ABITRAM: variants seen among roughly 807,000 people sequenced by gnomAD.
ABITRAM encodes actin binding transcription modulator.
ABITRAM carries 19 observed loss-of-function variants against 22.9 expected under a neutral mutation model. The observed-to-expected ratio is 0.83, with a 90% CI of 0.58 to 1.22. ABITRAM has a LOEUF of 1.22. Among genes scored for constraint, ABITRAM ranks in the 50% most tolerant of loss-of-function variants. ABITRAM has a pLI of 0.00. For missense variants in ABITRAM, 215 were observed against 220.2 expected, an observed-to-expected ratio of 0.98 and a Z score of 0.15; for synonymous variants, 70 against 73.9, an observed-to-expected ratio of 0.95 and a Z score of 0.27.
At chr9:108,947,210 T>C (rs927222449) in intron 3 of ABITRAM, among the ~76,000 whole-genome samples, 4 of 150,098 alleles carry the variant, frequency 2.7e-5, no homozygotes, top group South Asian at 2.1e-4. Context: ...GCCTCCCGGG[T>C]TCACGCCACT....
At chr9:108,946,171 C>A (rs1260336167) in intron 3 of ABITRAM, among the ~76,000 whole-genome samples, 1 of 151,868 alleles carries the variant, frequency 6.6e-6, no homozygotes, top group African/African-American at 2.4e-5. Context: ...TGGTAGCGCA[C>A]ACCTGTAGTC....
At chr9:108,939,526 A>C (rs201036117) in intron 5 of ABITRAM, 23 bp from the exon 6 acceptor site, 3 of 1,612,718 alleles carry the variant, frequency 1.9e-6, no homozygotes, top group Non-Finnish European at 2.5e-6. Flanking sequence ...GTTTGACAGT[A>C]CTAAATGTTC....
intron 3 of ABITRAM, among the ~76,000 whole-genome samples, chr9:108,946,542 T>C (rs10979620): frequency 0.053 from 8,033 of 152,238 alleles, 329 homozygotes; most frequent in East Asian, 0.12. Context: ...AGAGAGGTCT[T>C]TTCTGACCAC....
downstream of ABITRAM, chr9:108,943,052 G>T (rs1830291623): frequency 6.3e-7 from 1 of 1,599,458 alleles, no homozygotes; most frequent in South Asian, 1.1e-5. Flanking sequence ...AACCTACAAT[G>T]ACAAAAAGCA....
intron 3 of ABITRAM, among the ~76,000 whole-genome samples, chr9:108,950,023 C>CAA (rs145183101): frequency 1.2e-3 from 95 of 76,018 alleles, no homozygotes; most frequent in South Asian, 1.7e-3. Context: ...GGCTACATCT[C>CAA]AAAAAAAAAA....
chr9:108,948,049 T>C, intron 3 of ABITRAM: 1 of 996,056 alleles, frequency 1.0e-6, no homozygotes, highest in South Asian at 1.6e-5. Flanking sequence ...TTTCTACTTT[T>C]CTACTGCTCT....
downstream of ABITRAM, chr9:108,944,047 T>C (rs769299785): frequency 3.8e-6 from 6 of 1,583,008 alleles, no homozygotes; most frequent in African/African-American, 6.8e-5. Flanking sequence ...ACCACTATTT[T>C]AGACTGATGT....
intron 3 of ABITRAM, 91 bp from the exon 4 acceptor site, chr9:108,939,105 G>A: frequency 9.8e-7 from 1 of 1,019,112 alleles, no homozygotes; most frequent in Non-Finnish European, 1.5e-6. Flanking sequence ...ACCAGTTCCA[G>A]GAATACATCC....
chr9:108,945,123 A>G (rs1045220702), downstream of ABITRAM, among the ~76,000 whole-genome samples: 2 of 152,052 alleles, frequency 1.3e-5, no homozygotes, highest in African/African-American at 4.8e-5. Context: ...AAAGCTGGTA[A>G]CTCCCAGGTC....
At chr9:108,940,970 A>T (rs1188785094), downstream of ABITRAM, 1 of 152,184 alleles carries the variant, frequency 6.6e-6, no homozygotes, top group Admixed American at 6.5e-5. Flanking sequence ...CATTCGATGT[A>T]TTAATTCCAT....
chr9:108,949,545 T>TA (rs1830498561), intron 3 of ABITRAM, among the ~76,000 whole-genome samples: 2 of 152,264 alleles, frequency 1.3e-5, no homozygotes, highest in South Asian at 2.1e-4. Flanking sequence ...CTATCTCTAC[T>TA]AAAAATACAA....
chr9:108,945,362 A>T (rs1294384414), downstream of ABITRAM, among the ~76,000 whole-genome samples: 1 of 152,218 alleles, frequency 6.6e-6, no homozygotes, highest in African/African-American at 2.4e-5. Flanking sequence ...ATGCTAAGTA[A>T]ATCGCAGTTA....
chr9:108,949,770 G>A (rs1255798136), intron 3 of ABITRAM, among the ~76,000 whole-genome samples: 1 of 152,156 alleles, frequency 6.6e-6, no homozygotes, highest in Non-Finnish European at 1.5e-5. Context: ...CCTGAACCCG[G>A]GAGATGGAAA....
chr9:108,943,755 T>C, downstream of ABITRAM: 11 of 1,613,912 alleles, frequency 6.8e-6, no homozygotes, highest in Non-Finnish European at 9.3e-6. Context: ...CTGGAGCTGG[T>C]GGCATAGAGG....
At chr9:108,937,996 CAAAA>C (rs56229176) in intron 3 of ABITRAM, among the ~76,000 whole-genome samples, 7 of 69,584 alleles carry the variant, frequency 1.0e-4, no homozygotes, top group Non-Finnish European at 6.3e-5. Flanking sequence ...GACCCTGTCT[CAAAA>C]AAAAAAAAAA....
Position 108,936,324 on chromosome 9 carries a change from T to C in ABITRAM, c.148T>C (p.Leu50=), listed in dbSNP as rs1260387045. The C allele has an allele frequency of 2.5e-6, 4 of 1,613,388 alleles. No individual in the cohort carries two copies. Among genetic ancestry groups the C allele is most frequent in the Non-Finnish European group, 3.4e-6 (4 of 1,179,832 alleles). The change falls in exon 3 of 6, where the codon TTG becomes CTG. Residue 50 remains leucine (L), a synonymous_variant. Transcript: ENST00000322940. ...QHSNRICVIT[L]AESHPVLQSG... ...TCCTTGTAGAATATGTGTCATCACATTGGCAGAATCTCATCCAGTTCTTCA... is the reference window on the plus strand; with the variant it reads ...TCCTTGTAGAATATGTGTCATCACACTGGCAGAATCTCATCCAGTTCTTCA...
At chr9:108,947,788 C>A (rs1339844055) in intron 3 of ABITRAM, among the ~76,000 whole-genome samples, 1 of 152,186 alleles carries the variant, frequency 6.6e-6, no homozygotes, top group African/African-American at 2.4e-5. Flanking sequence ...TTAACAGATA[C>A]TCTCTCATGT....
intron 1 of ABITRAM, among the ~76,000 whole-genome samples, chr9:108,934,800 G>T (rs1389972247): frequency 6.6e-6 from 1 of 152,190 alleles, no homozygotes; most frequent in Non-Finnish European, 1.5e-5. Flanking sequence ...GCTCTAGGGT[G>T]TTGCTCGCAG....
downstream of ABITRAM, among the ~76,000 whole-genome samples, chr9:108,942,239 C>A (rs939998981): frequency 6.6e-6 from 1 of 152,112 alleles, no homozygotes; most frequent in African/African-American, 2.4e-5. Context: ...CCTTGCTGTA[C>A]AAAATGCTTA....
Sources: allele counts gnomAD v4.1 joint callset (sites outside exome capture counted in the v4.1 genomes callset), GRCh38; gene constraint gnomAD v4.1.1; transcripts MANE v1.5; gene names NCBI Gene and HGNC (gene_info 2026-07-23, HGNC 2026-07-21).